PDE6A: variants seen among roughly 807,000 people sequenced by gnomAD.
PDE6A encodes the protein phosphodiesterase 6A, also known as rod cGMP-specific 3',5'-cyclic phosphodiesterase subunit alpha.
In PDE6A, 84 loss-of-function variants were observed where a neutral mutation model predicts 106.3. The ratio of observed to expected loss-of-function variants is 0.79; its 90% confidence interval spans 0.66 to 0.95. The LOEUF is 0.95. Among genes scored for constraint, PDE6A ranks in the 40% least tolerant of loss-of-function variants. PDE6A has a pLI of 0.00. For missense variants in PDE6A, 1,052 were observed against 1,084.9 expected (o/e 0.97, Z 0.43); for synonymous variants, 394 against 386.6 (o/e 1.02, Z -0.23).
chr5:149,941,849 C>A (rs1261996179), intron 1 of PDE6A, among the ~76,000 whole-genome samples: 2 of 152,192 alleles, frequency 1.3e-5, no homozygotes, highest in African/African-American at 4.8e-5. Flanking sequence ...TTTATTAGAT[C>A]ATGGTGTTGC....
At chr5:149,898,669 A>C (rs1445526856) in intron 9 of PDE6A, among the ~76,000 whole-genome samples, 163 bp from the exon 10 acceptor site, 5 of 152,212 alleles carry the variant, frequency 3.3e-5, no homozygotes, top group African/African-American at 1.2e-4. Context: ...GGCTAAGATA[A>C]AGGAATGGAT....
At position 149,899,656 on chromosome 5, in the gene PDE6A, G is replaced by A. The variant is rs907066709; in HGVS notation, c.1114-132C>T. ...AAGAGGATGGAGTTCATTGGATTTC[G>A]CATGAGTTTAATTACCGACAACTAC... On this transcript the variant is annotated intron_variant, in intron 8 of 21. Transcript: ENST00000255266. The A allele has an allele frequency of 3.3e-5, 30 of 901,908 alleles. 1 individual carries two copies. Among genetic ancestry groups the A allele is most frequent in the African/African-American group, 1.8e-4 (11 of 61,114 alleles). The allele number at this position is 901,908 out of a possible 1,614,324, so 55.9% of individuals were successfully genotyped here.
chr5:149,896,400 A>G lies in PDE6A; in HGVS notation c.1576T>C (p.Tyr526His), dbSNP rs370512402. Reference protein sequence around the residue: ...LELVKCGIQMYYELKVVDKFH... With the variant: ...LELVKCGIQMHYELKVVDKFH... ...TTATCCACCACTTTGAGCTCATAAT[A>G]CATCTGTATTCCACATTTTACCAGC... Residue 526 changes from tyrosine to histidine, a missense_variant, in exon 12 of 22, where the codon TAT (tyrosine) becomes CAT (histidine). By Grantham distance (83) the Tyr-to-His change is moderately conservative (BLOSUM62 2). Transcript: ENST00000255266. 3 of 1,614,024 alleles carry G rather than the reference A, an allele frequency of 1.9e-6. No homozygotes were observed. In the African/African-American group the frequency reaches 4.0e-5, roughly 22 times the overall value.
Position 149,926,360 on chromosome 5 carries a change from G to A in PDE6A, c.859-4651C>T, listed in dbSNP as rs143462192. Among the ~76,000 whole-genome samples the A allele has an allele frequency of 7.2e-3, 1,090 of 152,302 alleles. 14 individuals are homozygous for A. The highest frequency in any genetic ancestry group is 0.025 in the African/African-American group (1,030 of 41,566). The stretch of plus-strand genomic sequence containing the variant: ...TTGATAATAAAGGTATGATAGGGAA[G>A]GATGATCTTTTCACTAGAAGAGTAG... On this transcript the variant is annotated intron_variant, in intron 4 of 21. Transcript: ENST00000255266.
chr5:149,928,209 C>CCATATATATATATATA (rs1554091926), intron 4 of PDE6A, among the ~76,000 whole-genome samples: 1 of 44,558 alleles, frequency 2.2e-5, no homozygotes, highest in African/African-American at 1.4e-4. Flanking sequence ...ATTGTATGTG[C>CCATATATATATATATA]TATATATATA....
At chr5:149,898,061 G>A (rs1247141010) in intron 10 of PDE6A, among the ~76,000 whole-genome samples, 1 of 152,210 alleles carries the variant, frequency 6.6e-6, no homozygotes, top group Non-Finnish European at 1.5e-5. Context: ...TTCTAGAGCT[G>A]TCAAGCCAAC....
intron 3 of PDE6A, 83 bp from the exon 4 acceptor site, chr5:149,931,251 A>G: frequency 7.5e-7 from 1 of 1,329,002 alleles, no homozygotes; most frequent in Non-Finnish European, 1.1e-6. Context: ...ACAATTCTGT[A>G]AAGTTGTCTG....
At chr5:149,895,774 T>TGC in intron 12 of PDE6A, among the ~76,000 whole-genome samples, 1 of 152,196 alleles carries the variant, frequency 6.6e-6, no homozygotes, top group South Asian at 2.1e-4. Context: ...TGTCTGTGTG[T>TGC]GTGAGAGAGA....
rs142934552 is a variant in PDE6A, at chr5:149,886,267, C to T, written c.1836G>A (p.Met612Ile). The change falls in exon 14 of 22, where the codon ATG (methionine) becomes ATA (isoleucine). Residue 612 changes from methionine to isoleucine, a missense_variant and splice_region_variant. Transcript: ENST00000255266. ...DHRGTNNLYQ[M>I]KSQNPLAKLH... ...TGTGGGGAGGGAGGCTGACTCACTTCATCTGGTAGAGGTTATTGGTGCCTC... is the reference window on the plus strand; with the variant it reads ...TGTGGGGAGGGAGGCTGACTCACTTTATCTGGTAGAGGTTATTGGTGCCTC... 8.0e-5 allele frequency: 129 copies of T among 1,609,426 alleles called. No individual in the cohort carries two copies. Among genetic ancestry groups the T allele is most frequent in the Non-Finnish European group, 1.0e-4 (122 of 1,175,704 alleles).
chr5:149,877,607 C>T (rs245084), intron 17 of PDE6A, among the ~76,000 whole-genome samples: 1 of 151,952 alleles, frequency 6.6e-6, no homozygotes, highest in African/African-American at 2.4e-5. Context: ...ATGGAGACTC[C>T]CCATGTCGGC....
chr5:149,886,449 G>A, intron 13 of PDE6A, 75 bp from the exon 14 acceptor site: 1 of 1,096,242 alleles, frequency 9.1e-7, no homozygotes, highest in Non-Finnish European at 1.4e-6. Context: ...GCGGGTGTAA[G>A]GAGGAGGGCC....
At chr5:149,921,801 G>T in intron 4 of PDE6A, 92 bp from the exon 5 acceptor site, 1 of 971,596 alleles carries the variant, frequency 1.0e-6, no homozygotes, top group Non-Finnish European at 1.6e-6. Context: ...AGCTAACACT[G>T]AAATTTAGAA....
Position 149,863,051 on chromosome 5 carries a change from G to A in PDE6A, c.2506+68C>T. ...GAGACTCCGTGTAAGAGTCTCTGAG[G>A]CAGGACGCAGACACTGAGTGCTCAG... On this transcript the variant is annotated intron_variant, in intron 21 of 21. Transcript: ENST00000255266. The surrounding 1 kb of genome is among the most constrained non-coding windows in gnomAD (Gnocchi z 4.7). 5.1e-6 allele frequency: 8 copies of A among 1,579,024 alleles called. No individual in the cohort carries two copies. Among genetic ancestry groups the A allele is most frequent in the Non-Finnish European group, 7.0e-6 (8 of 1,148,236 alleles).
intron 6 of PDE6A, among the ~76,000 whole-genome samples, chr5:149,911,401 A>C (rs1183326371): frequency 1.3e-5 from 2 of 152,150 alleles, no homozygotes; most frequent in East Asian, 3.9e-4. Context: ...ACTCATTGGA[A>C]CACTTACTCT....
intron 17 of PDE6A, among the ~76,000 whole-genome samples, chr5:149,871,895 G>A (rs942557229): frequency 6.6e-6 from 1 of 152,198 alleles, no homozygotes; most frequent in African/African-American, 2.4e-5. Flanking sequence ...AGACAGATAT[G>A]GCACTTAGGA....
intron 6 of PDE6A, among the ~76,000 whole-genome samples, chr5:149,913,788 C>G (rs1307123772): frequency 6.6e-6 from 1 of 152,202 alleles, no homozygotes; most frequent in African/African-American, 2.4e-5. Flanking sequence ...AGGATTCAAA[C>G]AGAGAAGAAG....
Position 149,859,135 on chromosome 5 carries a change from T to C in PDE6A, c.*1760A>G, listed in dbSNP as rs910711135. On this transcript the variant is annotated 3_prime_UTR_variant, in exon 22 of 22. Transcript: ENST00000255266. The stretch of plus-strand genomic sequence containing the variant: ...CCACCGCGCCCGGCCAACATCTATC[T>C]TTTTAAACCAACAGAATGCCTGCTA... 6.6e-6 allele frequency: 1 copy of C among 152,166 alleles called. No homozygotes were observed. The highest frequency in any genetic ancestry group is 6.5e-5 in the Admixed American group (1 of 15,274). The allele number at this position is 152,166 out of a possible 1,614,324, so 9.4% of individuals were successfully genotyped here. A position where few individuals can be genotyped will look rare whatever the true frequency, so the allele number is the denominator to read the frequency against.
At chr5:149,918,679 T>A (rs1203537400) in intron 5 of PDE6A, among the ~76,000 whole-genome samples, 1 of 152,218 alleles carries the variant, frequency 6.6e-6, no homozygotes, top group African/African-American at 2.4e-5. Flanking sequence ...TGGCACAATC[T>A]TGGCTCACTG....
chr5:149,918,054 C>A (rs560548128), intron 5 of PDE6A, among the ~76,000 whole-genome samples: 2 of 152,198 alleles, frequency 1.3e-5, no homozygotes, highest in South Asian at 4.1e-4. Flanking sequence ...CCATAAAGAC[C>A]CTCCAAGCTA....
Sources: allele counts gnomAD v4.1 joint callset (sites outside exome capture counted in the v4.1 genomes callset), GRCh38; gene constraint gnomAD v4.1.1; non-coding constraint Gnocchi (gnomAD v3.1); transcripts MANE v1.5; gene names NCBI Gene and HGNC (gene_info 2026-07-23, HGNC 2026-07-21).